The following EDIL3 variants were observed in gnomAD, a reference collection of about 807,000 sequenced individuals.
The protein encoded by EDIL3 is EGF-like repeat and discoidin I-like domain-containing protein 3.
EDIL3 carries 37 observed loss-of-function variants against 67.4 expected under a neutral mutation model. The observed-to-expected ratio is 0.55, with a 90% confidence interval of 0.42 to 0.72. The LOEUF is 0.72. Among genes scored for constraint, EDIL3 ranks in the 30% least tolerant of loss-of-function variants. EDIL3 has a pLI of 0.00. For missense variants in EDIL3, 527 were observed against 586.3 expected, an observed-to-expected ratio of 0.90 and a Z score of 1.04; for synonymous variants, 195 against 196.3, an observed-to-expected ratio of 0.99 and a Z score of 0.05.
rs141349049 is a variant in EDIL3, at chr5:84,357,530, C to A, written c.67+26778G>T. ...CTTTAAGGTTCTATATACTTTTAAC[C>A]CTGCACCCCCTTTCCATATCTCTGT... is the stretch of plus-strand genomic sequence containing the variant. On this transcript the variant is annotated intron_variant, in intron 1 of 10. Coordinates refer to ENST00000296591, the MANE Select transcript of EDIL3 (RefSeq NM_005711.5). 4.1e-3 allele frequency among the ~76,000 whole-genome samples: 618 copies of A among 152,088 alleles called. 6 individuals are homozygous for A. The highest frequency in any genetic ancestry group is 0.014 in the African/African-American group (590 of 41,484).
intron 1 of EDIL3, among the ~76,000 whole-genome samples, chr5:84,254,512 C>T (rs1461966026): frequency 2.0e-5 from 3 of 152,074 alleles, no homozygotes; most frequent in Admixed American, 1.3e-4. Context: ...AAATATTAAC[C>T]TAAATATCTG....
intron 4 of EDIL3, among the ~76,000 whole-genome samples, chr5:84,147,650 G>A (rs1049833428): frequency 5.9e-5 from 9 of 151,834 alleles, no homozygotes; most frequent in Non-Finnish European, 1.2e-4. Flanking sequence ...TTTACCAAGT[G>A]GGGCTTTTAA....
intron 4 of EDIL3, among the ~76,000 whole-genome samples, chr5:84,151,472 G>A (rs1278346637): frequency 6.6e-6 from 1 of 152,102 alleles, no homozygotes; most frequent in Admixed American, 6.5e-5. Flanking sequence ...ATAAAACATA[G>A]TAATAGGAGG....
chr5:84,025,296 G>A (rs2049730277), intron 9 of EDIL3, among the ~76,000 whole-genome samples: 1 of 152,000 alleles, frequency 6.6e-6, no homozygotes, highest in Non-Finnish European at 1.5e-5. Flanking sequence ...TGAATGTCAG[G>A]CAAGGGAGCG....
At chr5:84,065,715 T>C (rs539268684) in intron 7 of EDIL3, among the ~76,000 whole-genome samples, 2 of 152,322 alleles carry the variant, frequency 1.3e-5, no homozygotes, top group Non-Finnish European at 2.9e-5. Flanking sequence ...GTAACAAATC[T>C]TTCTTCCAAT....
chr5:84,383,173 A>G (rs1160274333), intron 1 of EDIL3, among the ~76,000 whole-genome samples: 1 of 152,188 alleles, frequency 6.6e-6, no homozygotes, highest in Non-Finnish European at 1.5e-5. Context: ...CTGCCTGCAG[A>G]GGATTCTATT....
chr5:84,151,831 A>C (rs1748399718), intron 4 of EDIL3, among the ~76,000 whole-genome samples: 1 of 151,994 alleles, frequency 6.6e-6, no homozygotes, highest in South Asian at 2.1e-4. Flanking sequence ...CTGTACTCCT[A>C]TGATCTATTC....
At chr5:84,133,262 C>T (rs777623476) in intron 5 of EDIL3, among the ~76,000 whole-genome samples, 16 of 151,798 alleles carry the variant, frequency 1.1e-4, no homozygotes, top group Non-Finnish European at 1.3e-4. Context: ...TTTCTCATTC[C>T]AATTCATCAT....
chr5:84,248,218 C>T (rs1056213524), intron 2 of EDIL3, among the ~76,000 whole-genome samples: 2 of 152,176 alleles, frequency 1.3e-5, no homozygotes, highest in African/African-American at 4.8e-5. Context: ...CAAAACTAAT[C>T]TTCCGTAAAC....
intron 4 of EDIL3, among the ~76,000 whole-genome samples, chr5:84,159,841 ATAT>A (rs1378268435): frequency 6.6e-6 from 1 of 152,108 alleles, no homozygotes; most frequent in African/African-American, 2.4e-5. Context: ...ACGTAAACAC[ATAT>A]TATAGATCAT....
chr5:84,143,550 C>T (rs946384991), intron 4 of EDIL3, among the ~76,000 whole-genome samples: 6 of 151,918 alleles, frequency 3.9e-5, no homozygotes, highest in Admixed American at 6.6e-5. Flanking sequence ...GATACTAGTA[C>T]GCAGGCAATA....
chr5:84,297,781 C>T (rs928435112), intron 1 of EDIL3, among the ~76,000 whole-genome samples: 1 of 152,178 alleles, frequency 6.6e-6, no homozygotes, highest in African/African-American at 2.4e-5. Flanking sequence ...TTCTCTGCTA[C>T]TTGAGATAAT....
At position 83,979,096 on chromosome 5, in the gene EDIL3, T is replaced by C. The variant is rs139032224; in HGVS notation, c.1138-15736A>G. 5.8e-3 allele frequency among the ~76,000 whole-genome samples: 881 copies of C among 152,112 alleles called. 5 individuals carry two copies. Among genetic ancestry groups the C allele is most frequent in the Non-Finnish European group, 8.2e-3 (555 of 67,944 alleles). On this transcript the variant is annotated intron_variant, in intron 9 of 10. Transcript: ENST00000296591. ...AAGGCAAACAAACCCATAGAAAAAT[T>C]ACAGACAAGAGAGACATAGGTAACT...
rs939306822 is a variant in EDIL3, at chr5:84,236,998, A to C, written c.197-7114T>G. Among the ~76,000 whole-genome samples the C allele has an allele frequency of 2.0e-5, 3 of 152,054 alleles. No individual in the cohort carries two copies. In the South Asian group the frequency reaches 6.2e-4, roughly 31 times the overall value. ...AGAGAATCATTAATTCTACAATGAG[A>C]ATGCTGTTTAATGTCACTAGAGAAG... On this transcript the variant is annotated intron_variant, in intron 2 of 10. Transcript: ENST00000296591.
chr5:84,078,937 C>A (rs1378940553), intron 6 of EDIL3: 1 of 152,124 alleles, frequency 6.6e-6, no homozygotes, highest in East Asian at 1.9e-4. Context: ...CCAAGGGAAC[C>A]AATCAGGTGA....
At chr5:84,267,675 G>C (rs1745377447) in intron 1 of EDIL3, among the ~76,000 whole-genome samples, 1 of 152,078 alleles carries the variant, frequency 6.6e-6, no homozygotes, top group African/African-American at 2.4e-5. Context: ...ATATGTATCT[G>C]AACAAGGGAT....
Position 84,382,407 on chromosome 5 carries a change from C to CAGGCAAGCGCGGCCACAT in EDIL3, c.67+1883_67+1900dup, listed in dbSNP as rs372336208. Among the ~76,000 whole-genome samples, 17 of 152,298 alleles carry CAGGCAAGCGCGGCCACAT rather than the reference C, an allele frequency of 1.1e-4. 1 individual carries two copies. Among genetic ancestry groups the CAGGCAAGCGCGGCCACAT allele is most frequent in the East Asian group, 7.7e-4 (4 of 5,164 alleles). On this transcript the variant is annotated intron_variant, in intron 1 of 10. Coordinates refer to ENST00000296591, the MANE Select transcript of EDIL3 (RefSeq NM_005711.5). ...CGGGGCTCCCTCAATCAGACCCAGC[C>CAGGCAAGCGCGGCCACAT]AGGCAAGCGCGGCCACATAGGCAAG...
intron 1 of EDIL3, among the ~76,000 whole-genome samples, chr5:84,363,738 A>T (rs572633323): frequency 6.6e-6 from 1 of 152,144 alleles, no homozygotes; most frequent in Non-Finnish European, 1.5e-5. Flanking sequence ...CATGATGGTG[A>T]GTGACTAATT....
At chr5:84,265,988 A>G (rs1038006593) in intron 1 of EDIL3, among the ~76,000 whole-genome samples, 2 of 152,196 alleles carry the variant, frequency 1.3e-5, no homozygotes, top group African/African-American at 2.4e-5. Flanking sequence ...GGAGAAACTC[A>G]AAGTGCCCTT....
Sources: gnomAD v4.1 joint callset for allele counts (sites outside exome capture counted in the v4.1 genomes callset) on GRCh38, gnomAD v4.1.1 for gene constraint, MANE v1.5 for transcripts, NCBI Gene and HGNC (gene_info 2026-07-23, HGNC 2026-07-21) for gene names.